PLEKHF2: variants seen among roughly 807,000 people sequenced by gnomAD.
PLEKHF2 encodes the protein pleckstrin homology and FYVE domain containing 2, also known as pleckstrin homology domain-containing family F member 2.
A neutral mutation model predicts 14.7 loss-of-function variants in PLEKHF2; 4 were observed. The ratio of observed to expected loss-of-function variants is 0.27; its 90% CI spans 0.13 to 0.62. The LOEUF (loss-of-function observed/expected upper bound fraction) is 0.62. PLEKHF2 is among the 20% of genes least tolerant of loss of function. The probability of loss-of-function intolerance (pLI) is 0.85; values close to 1 mark genes in which losing one functional copy is unlikely to be tolerated. For synonymous variants in PLEKHF2, 90 were observed against 103.5 expected (o/e 0.87, Z 0.79); for missense variants, 201 against 307.7 (o/e 0.65, Z 2.60).
At chr8:95,149,885 A>G (rs191561732) in intron 1 of PLEKHF2, among the ~76,000 whole-genome samples, 7 of 152,230 alleles carry the variant, frequency 4.6e-5, no homozygotes, top group Non-Finnish European at 7.4e-5. Context: ...GTCCTTGGCT[A>G]GGCCCTGTAA....
chr8:95,146,105 T>C (rs1489678096), intron 1 of PLEKHF2, among the ~76,000 whole-genome samples: 1 of 152,212 alleles, frequency 6.6e-6, no homozygotes, highest in Admixed American at 6.5e-5. Context: ...AAAAATTAAC[T>C]TGTAGACAAG....
In PLEKHF2 at chr8:95,156,380, A is replaced by C. The variant is rs1183024179; in HGVS notation, c.*1586A>C. The stretch of plus-strand genomic sequence containing the variant: ...ATTTTGAAAGTATCTGAGATATACA[A>C]ATCTCCCTGTAGGAAATGTGAAAGA... On this transcript the variant is annotated 3_prime_UTR_variant, in exon 2 of 2. Coordinates refer to ENST00000315367, the MANE Select transcript of PLEKHF2 (RefSeq NM_024613.4). The C allele has an allele frequency of 1.2e-5, 2 of 167,024 alleles. No individual in the cohort carries two copies. The highest frequency in any genetic ancestry group is 4.8e-5 in the African/African-American group (2 of 41,456). The allele number at this position is 167,024 out of a possible 1,614,324, so 10.3% of individuals were successfully genotyped here. A position where few individuals can be genotyped will look rare whatever the true frequency, so the allele number is the denominator to read the frequency against.
intron 1 of PLEKHF2, among the ~76,000 whole-genome samples, chr8:95,140,395 T>G (rs1810427949): frequency 6.6e-6 from 1 of 152,206 alleles, no homozygotes; most frequent in Admixed American, 6.5e-5. Context: ...TTCTTCATAT[T>G]CTCTTCAGTC....
At chr8:95,139,010 T>A (rs1810410233) in intron 1 of PLEKHF2, among the ~76,000 whole-genome samples, 1 of 152,368 alleles carries the variant, frequency 6.6e-6, no homozygotes, top group East Asian at 1.9e-4. Flanking sequence ...TACAGTATTG[T>A]CAAGAATATA....
At chr8:95,140,083 C>T (rs1810424544) in intron 1 of PLEKHF2, among the ~76,000 whole-genome samples, 1 of 152,200 alleles carries the variant, frequency 6.6e-6, no homozygotes, top group South Asian at 2.1e-4. Flanking sequence ...CCCTGCCCAT[C>T]CTGGCATCTC....
At chr8:95,137,783 T>A (rs1810392052) in intron 1 of PLEKHF2, among the ~76,000 whole-genome samples, 3 of 152,264 alleles carry the variant, frequency 2.0e-5, no homozygotes, top group Admixed American at 2.0e-4. Flanking sequence ...CCACTGCTAC[T>A]CTACAACAGC....
At chr8:95,143,637 A>C (rs1810460819) in intron 1 of PLEKHF2, among the ~76,000 whole-genome samples, 1 of 152,212 alleles carries the variant, frequency 6.6e-6, no homozygotes, top group African/African-American at 2.4e-5. Flanking sequence ...GAGGGAGGAC[A>C]TGCCGAGCTT....
intron 1 of PLEKHF2, among the ~76,000 whole-genome samples, chr8:95,148,889 T>C (rs1468233313): frequency 6.6e-6 from 1 of 152,052 alleles, no homozygotes; most frequent in Non-Finnish European, 1.5e-5. Flanking sequence ...GCATCTGATA[T>C]CTGGATAGGG....
chr8:95,137,542 CCT>C (rs1810389430), intron 1 of PLEKHF2, among the ~76,000 whole-genome samples: 3 of 152,182 alleles, frequency 2.0e-5, no homozygotes, highest in Admixed American at 2.0e-4. Context: ...AGGTGGAGAA[CCT>C]TTGATTTAAC....
intron 1 of PLEKHF2, among the ~76,000 whole-genome samples, chr8:95,145,549 G>T (rs1348412393): frequency 6.6e-6 from 1 of 150,992 alleles, no homozygotes; most frequent in African/African-American, 2.4e-5. Context: ...TCAGCCTCCC[G>T]AGTAGCTGGG....
rs1022963033 is a variant in PLEKHF2 at position 95,145,671 on chromosome 8, AC to A, written c.-14-8358del. ...GATCTCCTGACCTTGTGATCTGCCC[AC>A]CTTGGCCTCCCAAAGTGCTGGGATT... On this transcript the variant is annotated intron_variant, in intron 1 of 1. Transcript: ENST00000315367. Among the ~76,000 whole-genome samples, 4 of 152,120 alleles carry A rather than the reference AC, an allele frequency of 2.6e-5. 1 individual carries two copies. The highest frequency in any genetic ancestry group is 2.1e-4 in the South Asian group (1 of 4,812).
chr8:95,155,097 T>C lies in PLEKHF2; in HGVS notation c.*303T>C, dbSNP rs937755992. ...ATGTTTGTTTTAACAGGTCATGTAC[T>C]ACGTTGTTGTTTTCATTTCTGTTAT... On this transcript the variant is annotated 3_prime_UTR_variant, in exon 2 of 2. Coordinates refer to ENST00000315367, the MANE Select transcript of PLEKHF2 (RefSeq NM_024613.4). The C allele has an allele frequency of 1.4e-5, 4 of 293,568 alleles. No individual in the cohort carries two copies. Among genetic ancestry groups the C allele is most frequent in the African/African-American group, 8.7e-5 (4 of 46,232 alleles). 18.2% of individuals were successfully genotyped at this position (293,568 alleles called of 1,614,324 possible). A position where few individuals can be genotyped will look rare whatever the true frequency, so the allele number is the denominator to read the frequency against.
At chr8:95,135,366 G>A (rs1810364346) in intron 1 of PLEKHF2, among the ~76,000 whole-genome samples, 1 of 152,092 alleles carries the variant, frequency 6.6e-6, no homozygotes, top group Admixed American at 6.6e-5. Context: ...GCTCATATTT[G>A]ATTGTCAATT....
intron 1 of PLEKHF2, among the ~76,000 whole-genome samples, chr8:95,137,858 C>T (rs144391659): frequency 6.6e-6 from 1 of 152,242 alleles, no homozygotes; most frequent in Non-Finnish European, 1.5e-5. Flanking sequence ...GGTCTTAAAC[C>T]CTGTGGCCAG....
At position 95,154,868 on chromosome 8, in the gene PLEKHF2, G is replaced by GCT. The variant is rs111998521; in HGVS notation, c.*83_*84dup. 2 of 1,532,988 alleles carry GCT rather than the reference G, an allele frequency of 1.3e-6. No homozygotes were observed. Among genetic ancestry groups the GCT allele is most frequent in the East Asian group, 2.3e-5 (1 of 44,230 alleles). 95.0% of individuals were successfully genotyped at this position (1,532,988 alleles called of 1,614,324 possible). On this transcript the variant is annotated 3_prime_UTR_variant, in exon 2 of 2. Transcript: ENST00000315367. This position sits in a 1 kb window ranked among gnomAD's most constrained non-coding sequence, Gnocchi z 5.6. ...CTTTGGGGGAAATGTAAGATTCTGA[G>GCT]CTCTCTCTCTGTTTTGTTCTAGCCA...
chr8:95,141,190 C>T (rs1810434713), intron 1 of PLEKHF2, among the ~76,000 whole-genome samples: 1 of 152,004 alleles, frequency 6.6e-6, no homozygotes, highest in South Asian at 2.1e-4. Flanking sequence ...AGACTAAAAC[C>T]CTGGAGATTA....
At chr8:95,142,508 G>A (rs1422156845) in intron 1 of PLEKHF2, among the ~76,000 whole-genome samples, 1 of 152,120 alleles carries the variant, frequency 6.6e-6, no homozygotes, top group Non-Finnish European at 1.5e-5. Context: ...GCCTGCCACG[G>A]CCTCCCAAAG....
intron 1 of PLEKHF2, among the ~76,000 whole-genome samples, chr8:95,135,858 A>T (rs80225640): frequency 0.076 from 11,595 of 152,054 alleles, 583 homozygotes; most frequent in African/African-American, 0.13. Context: ...TGCTCTTATC[A>T]CTGCTCTGAC....
intron 1 of PLEKHF2, among the ~76,000 whole-genome samples, chr8:95,135,137 C>T (rs1318180135): frequency 6.6e-6 from 1 of 152,148 alleles, no homozygotes; most frequent in Non-Finnish European, 1.5e-5. Flanking sequence ...ATTTGGAAAG[C>T]ACACGTAATC....
Sources: gnomAD v4.1 joint callset for allele counts (sites outside exome capture counted in the v4.1 genomes callset) on GRCh38, gnomAD v4.1.1 for gene constraint, Gnocchi (gnomAD v3.1) non-coding constraint, MANE v1.5 for transcripts, NCBI Gene and HGNC (gene_info 2026-07-23, HGNC 2026-07-21) for gene names.